Variants in HSD17B2 observed in about 807,000 individuals in gnomAD.
The protein encoded by HSD17B2 is hydroxysteroid 17-beta dehydrogenase 2.
In HSD17B2, 32 loss-of-function variants were observed where a neutral mutation model predicts 26.9. The observed-to-expected ratio is 1.19, with a 90% CI of 0.90 to 1.60. The LOEUF is 1.60. Among genes scored for constraint, HSD17B2 ranks in the 40% most tolerant of loss-of-function variants. The pLI, the probability that HSD17B2 is intolerant of heterozygous loss-of-function variation, is 0.00. For missense variants in HSD17B2, 613 were observed against 468.6 expected (o/e 1.31, Z -2.85); for synonymous variants, 246 against 186.7 (o/e 1.32, Z -2.59).
At chr16:82,055,533 G>A (rs980819458) in intron 1 of HSD17B2, among the ~76,000 whole-genome samples, 1 of 152,184 alleles carries the variant, frequency 6.6e-6, no homozygotes, top group Non-Finnish European at 1.5e-5. Context: ...GGAACACACA[G>A]GATGGAGTAA....
intron 2 of HSD17B2, among the ~76,000 whole-genome samples, chr16:82,070,086 A>G (rs1204890949): frequency 6.6e-6 from 1 of 152,198 alleles, no homozygotes; most frequent in African/African-American, 2.4e-5. Context: ...TATCTATCAG[A>G]CATCTTCCCT....
chr16:82,097,939 CAAAAATAA>C lies in HSD17B2; in HGVS notation c.803-118_803-111del, dbSNP rs535587046. ...AGAGACAGAGAAAGACTCTGTATCC[CAAAAATAA>C]AAAAATAAAAAAATAAATAAATAAA... On this transcript the variant is annotated intron_variant, in intron 4 of 4. Transcript: ENST00000199936. 4,227 of 839,716 alleles carry C rather than the reference CAAAAATAA, an allele frequency of 5.0e-3. 41 individuals carry two copies. Among genetic ancestry groups the C allele is most frequent in the Middle Eastern group, 8.3e-3 (22 of 2,636 alleles). 52.0% of individuals were successfully genotyped at this position (839,716 alleles called of 1,614,324 possible).
chr16:82,072,155 A>C (rs752307955), intron 3 of HSD17B2, among the ~76,000 whole-genome samples: 2 of 152,110 alleles, frequency 1.3e-5, no homozygotes, highest in Non-Finnish European at 2.9e-5. Context: ...ACTAACTGCT[A>C]TGTGTCTTTG....
intron 2 of HSD17B2, among the ~76,000 whole-genome samples, chr16:82,068,655 C>T (rs1321096768): frequency 1.3e-5 from 2 of 152,184 alleles, no homozygotes; most frequent in South Asian, 4.1e-4. Flanking sequence ...TTCCTCCAGC[C>T]CCAGCTCATT....
chr16:82,043,684 C>CAAAAAAAAAAAAAAAAAAAAAA (rs398030034), intron 1 of HSD17B2, among the ~76,000 whole-genome samples: 1 of 22,540 alleles, frequency 4.4e-5, no homozygotes, highest in African/African-American at 3.5e-4. Flanking sequence ...AACTCTGTCT[C>CAAAAAAAAAAAAAAAAAAAAAA]AAAAAAAAAA....
intron 3 of HSD17B2, 106 bp downstream of exon 3, chr16:82,071,233 G>A (rs749637589): frequency 9.2e-7 from 1 of 1,085,068 alleles, no homozygotes; most frequent in Non-Finnish European, 1.4e-6. Context: ...AGGCAGGGTT[G>A]GGTCAGGATT....
chr16:82,038,672 G>T (rs75126002), intron 1 of HSD17B2, among the ~76,000 whole-genome samples: 239 of 152,314 alleles, frequency 1.6e-3, no homozygotes, highest in Middle Eastern at 0.01. Context: ...TTTGAATCCT[G>T]CATCTACCTT....
intron 1 of HSD17B2, among the ~76,000 whole-genome samples, chr16:82,059,375 G>A (rs959953314): frequency 8.5e-5 from 13 of 152,304 alleles, no homozygotes; most frequent in Admixed American, 7.8e-4. Context: ...GGACAAAATT[G>A]TCTGTGGTTG....
intron 4 of HSD17B2, chr16:82,094,669 G>C (rs1189939084): frequency 6.6e-6 from 1 of 152,162 alleles, no homozygotes; most frequent in African/African-American, 2.4e-5. Flanking sequence ...TTTATTTGAA[G>C]GTAGGGGCAA....
At chr16:82,069,240 G>A (rs958658089) in intron 2 of HSD17B2, among the ~76,000 whole-genome samples, 6 of 152,216 alleles carry the variant, frequency 3.9e-5, no homozygotes, top group African/African-American at 1.2e-4. Flanking sequence ...CAAAGGATAT[G>A]ATCTCATTCT....
intron 1 of HSD17B2, among the ~76,000 whole-genome samples, chr16:82,037,811 G>T (rs1179268736): frequency 2.0e-5 from 3 of 152,204 alleles, no homozygotes; most frequent in African/African-American, 7.2e-5. Flanking sequence ...CCCAGGGTTG[G>T]AACAAGTCTA....
chr16:82,090,846 G>A (rs571330043), intron 3 of HSD17B2, 56 bp from the exon 4 acceptor site: 2 of 1,489,022 alleles, frequency 1.3e-6, no homozygotes, highest in South Asian at 2.6e-5. Context: ...AATATTTATT[G>A]GATGAACAAA....
At chr16:82,068,783 C>T (rs1001082774) in intron 2 of HSD17B2, among the ~76,000 whole-genome samples, 4 of 152,318 alleles carry the variant, frequency 2.6e-5, no homozygotes, top group African/African-American at 4.8e-5. Context: ...TTCATGGCTA[C>T]GCTCCACGGA....
chr16:82,065,565 G>A (rs1293457152), intron 1 of HSD17B2, among the ~76,000 whole-genome samples: 6 of 152,268 alleles, frequency 3.9e-5, no homozygotes, highest in East Asian at 1.9e-4. Context: ...GGCTGTCCAC[G>A]AAACACTTGG....
At chr16:82,097,000 G>GT (rs1293893609) in intron 4 of HSD17B2, 1 of 150,420 alleles carries the variant, frequency 6.6e-6, no homozygotes, top group African/African-American at 2.5e-5. Flanking sequence ...GTCCTGTTCT[G>GT]TTTTGTTTTT....
At chr16:82,056,049 C>T (rs1914256468) in intron 1 of HSD17B2, among the ~76,000 whole-genome samples, 2 of 152,174 alleles carry the variant, frequency 1.3e-5, no homozygotes, top group South Asian at 4.1e-4. Context: ...AAATCACAGA[C>T]ATCTTGGATT....
chr16:82,046,143 G>A (rs1393803086), intron 1 of HSD17B2, among the ~76,000 whole-genome samples: 1 of 152,204 alleles, frequency 6.6e-6, no homozygotes, highest in Non-Finnish European at 1.5e-5. Flanking sequence ...CATGTTTTCA[G>A]TACCAATTGC....
At chr16:82,059,750 G>C (rs891449411) in intron 1 of HSD17B2, among the ~76,000 whole-genome samples, 18 of 152,178 alleles carry the variant, frequency 1.2e-4, no homozygotes, top group Admixed American at 9.8e-4. Context: ...GTTTTGCAAA[G>C]AGCAAACCTG....
chr16:82,068,150 A>G lies in HSD17B2; in HGVS notation c.266-20A>G. 1 of 1,608,538 alleles carries G rather than the reference A, an allele frequency of 6.2e-7. No individual in the cohort carries two copies. Among genetic ancestry groups the G allele is most frequent in the Non-Finnish European group, 8.5e-7 (1 of 1,175,632 alleles). On this transcript the variant is annotated intron_variant, in intron 1 of 4. Transcript: ENST00000199936. ...TCACTCTGGTTTGACCTCACTCCCT[A>G]CTCCCCTGACCCTATGCAGGTGGTG...
Sources: allele counts gnomAD v4.1 joint callset (sites outside exome capture counted in the v4.1 genomes callset), GRCh38; gene constraint gnomAD v4.1.1; transcripts MANE v1.5; gene names NCBI Gene and HGNC (gene_info 2026-07-23, HGNC 2026-07-21).